The following FMO3 variants were observed in gnomAD, a reference collection of about 807,000 sequenced individuals.
FMO3 encodes the protein flavin-containing monooxygenase 3.
In FMO3, 40 loss-of-function variants were observed where a neutral mutation model predicts 39.4. The ratio of observed to expected loss-of-function variants is 1.02; its 90% CI spans 0.79 to 1.32. The LOEUF is 1.32. FMO3 is among the 40% of genes most tolerant of loss of function. The pLI is 0.00. For synonymous variants in FMO3, 219 were observed against 228.8 expected, an observed-to-expected ratio of 0.96 and a Z score of 0.39; for missense variants, 680 against 651.8, an observed-to-expected ratio of 1.04 and a Z score of -0.47.
chr1:171,110,838 G>A lies in FMO3; in HGVS notation c.668G>A (p.Arg223Gln), dbSNP rs774866097. 39 of 1,613,784 alleles carry A rather than the reference G, an allele frequency of 2.4e-5. No homozygotes were observed. The highest frequency in any genetic ancestry group is 4.0e-5 in the African/African-American group (3 of 74,880). ...AGAAGTGGCTCCTGGGTGATGAGCC[G>A]GGTCTGGGACAATGGTTATCCTTGG... ...SSRSGSWVMSRVWDNGYPWDM... is the reference protein window; with the variant it reads ...SSRSGSWVMSQVWDNGYPWDM... The change falls in exon 6 of 9, where the codon CGG becomes CAG. Residue 223 changes from arginine to glutamine, a missense_variant. Physicochemically the swap from Arg to Gln is conservative, Grantham distance 43. Coordinates refer to ENST00000367755, the MANE Select transcript of FMO3 (RefSeq NM_001002294.3).
At chr1:171,109,144 G>A (rs1337711485) in intron 5 of FMO3, among the ~76,000 whole-genome samples, 1 of 152,180 alleles carries the variant, frequency 6.6e-6, no homozygotes, top group East Asian at 1.9e-4. Flanking sequence ...TTTTATAACA[G>A]AAAGGATAAA....
intron 2 of FMO3, among the ~76,000 whole-genome samples, chr1:171,096,028 A>T (rs1654982395): frequency 3.6e-5 from 2 of 55,338 alleles, no homozygotes; most frequent in Non-Finnish European, 6.4e-5. Context: ...ATATATTAAT[A>T]TATAATATAT....
intron 2 of FMO3, among the ~76,000 whole-genome samples, chr1:171,102,659 G>A (rs1655452838): frequency 6.6e-6 from 1 of 152,174 alleles, no homozygotes; most frequent in Non-Finnish European, 1.5e-5. Context: ...TTCTCTGAGA[G>A]TGGGACCTAA....
chr1:171,115,606 A>G (rs1473041703), intron 7 of FMO3, among the ~76,000 whole-genome samples: 2 of 152,170 alleles, frequency 1.3e-5, no homozygotes, highest in Admixed American at 6.5e-5. Context: ...CTAAATTTGA[A>G]GTATTTCTGG....
Position 171,114,139 on chromosome 1 carries a change from G to A in FMO3, c.960G>A (p.Glu320=), listed in dbSNP as rs768813317. ...TTTTTGAGGATGGGACCATATTTGA[G>A]GGCATTGACTGTGTAATCTTTGCAA... is the stretch of plus-strand genomic sequence containing the variant. ...SAIFEDGTIF[E]GIDCVIFATG... is the part of the protein sequence containing the mutation. Residue 320 remains glutamate (E), a synonymous_variant, in exon 7 of 9, where the codon GAG becomes GAA. Transcript: ENST00000367755. The A allele has an allele frequency of 3.7e-6, 6 of 1,613,988 alleles. No homozygotes were observed. The highest frequency in any genetic ancestry group is 2.2e-5 in the East Asian group (1 of 44,866).
At chr1:171,096,077 TA>T (rs1655010062) in intron 2 of FMO3, among the ~76,000 whole-genome samples, 7 of 75,904 alleles carry the variant, frequency 9.2e-5, no homozygotes, top group African/African-American at 4.3e-4. Flanking sequence ...TATATTAATA[TA>T]TAATATATAT....
chr1:171,093,825 A>ATTTT (rs1654828204), intron 2 of FMO3, among the ~76,000 whole-genome samples: 2 of 120,472 alleles, frequency 1.7e-5, no homozygotes, highest in Admixed American at 9.5e-5. Context: ...ACTCACTAAT[A>ATTTT]TCTTTTTTTT....
intron 2 of FMO3, among the ~76,000 whole-genome samples, chr1:171,093,003 A>C (rs145882787): frequency 6.6e-6 from 1 of 152,192 alleles, no homozygotes; most frequent in African/African-American, 2.4e-5. Context: ...ATTCTCCATT[A>C]CAGTTCTCCC....
intron 2 of FMO3, among the ~76,000 whole-genome samples, chr1:171,094,661 T>C (rs28745589): frequency 0.029 from 4,479 of 152,212 alleles, 92 homozygotes; most frequent in African/African-American, 0.056. Context: ...CGTATGGCTA[T>C]CTAATTTTCC....
At chr1:171,103,430 A>T (rs1434544909) in intron 2 of FMO3, among the ~76,000 whole-genome samples, 3 of 152,072 alleles carry the variant, frequency 2.0e-5, no homozygotes, top group Non-Finnish European at 4.4e-5. Flanking sequence ...CTGTTTTTGC[A>T]AGTTCTGCAT....
chr1:171,094,092 G>A (rs1402254950), intron 2 of FMO3, among the ~76,000 whole-genome samples: 1 of 151,932 alleles, frequency 6.6e-6, no homozygotes, highest in Non-Finnish European at 1.5e-5. Flanking sequence ...GACTCCCAAA[G>A]TGCTGGGATT....
chr1:171,096,057 AT>A (rs1557933191), intron 2 of FMO3, among the ~76,000 whole-genome samples: 1 of 50,600 alleles, frequency 2.0e-5, no homozygotes, highest in African/African-American at 1.6e-4. Context: ...TAAATATATA[AT>A]ATATATTATA....
At chr1:171,101,745 G>C in intron 2 of FMO3, 1 of 518,108 alleles carries the variant, frequency 1.9e-6, no homozygotes, top group Non-Finnish European at 4.0e-6. Context: ...ATTTCACCCA[G>C]ATCTGCGGCC....
At chr1:171,107,616 A>G (rs1285275850) in intron 3 of FMO3, 59 bp from the exon 4 acceptor site, 13 of 1,440,172 alleles carry the variant, frequency 9.0e-6, no homozygotes, top group Non-Finnish European at 1.3e-5. Context: ...TTCATACTGT[A>G]TCTGCCAAAA....
At chr1:171,091,500 GA>G (rs1396059264) in intron 1 of FMO3, among the ~76,000 whole-genome samples, 2 of 152,072 alleles carry the variant, frequency 1.3e-5, no homozygotes, top group Admixed American at 6.5e-5. Context: ...GTCAGGAACA[GA>G]AAAAAGTTAG....
chr1:171,095,832 A>T (rs1398307802), intron 2 of FMO3, among the ~76,000 whole-genome samples: 2 of 99,798 alleles, frequency 2.0e-5, no homozygotes, highest in African/African-American at 7.6e-5. Flanking sequence ...TATAGATTAA[A>T]TATATAAACA....
At chr1:171,095,659 T>C (rs1484327913) in intron 2 of FMO3, among the ~76,000 whole-genome samples, 1 of 148,450 alleles carries the variant, frequency 6.7e-6, no homozygotes, top group Non-Finnish European at 1.5e-5. Flanking sequence ...CTTATTAATA[T>C]AGATATTTTG....
At chr1:171,092,149 C>G (rs1654744776) in intron 1 of FMO3, among the ~76,000 whole-genome samples, 1 of 151,928 alleles carries the variant, frequency 6.6e-6, no homozygotes. Flanking sequence ...AAACAAAGTG[C>G]TTATTTTTTT....
intron 2 of FMO3, among the ~76,000 whole-genome samples, chr1:171,102,008 A>C (rs1437588046): frequency 6.6e-6 from 1 of 151,876 alleles, no homozygotes; most frequent in Non-Finnish European, 1.5e-5. Context: ...TACCCAACTC[A>C]CAGAAAGCTA....
Sources: allele counts gnomAD v4.1 joint callset (sites outside exome capture counted in the v4.1 genomes callset), GRCh38; gene constraint gnomAD v4.1.1; transcripts MANE v1.5; gene names NCBI Gene and HGNC (gene_info 2026-07-23, HGNC 2026-07-21).